The following MYRIP variants were observed in gnomAD, a reference collection of about 807,000 sequenced individuals.
MYRIP encodes the protein myosin VIIA and Rab interacting protein.
In MYRIP, 49 loss-of-function variants were observed where a neutral mutation model predicts 98.0. That is an observed-to-expected ratio of 0.50 (90% confidence interval 0.40 to 0.63). The LOEUF is 0.63. Among genes scored for constraint, MYRIP ranks in the 30% least tolerant of loss-of-function variants. The probability of loss-of-function intolerance (pLI) is 0.00; values close to 1 mark genes in which losing one functional copy is unlikely to be tolerated. For missense variants in MYRIP, 1,004 were observed against 1,058.2 expected (o/e 0.95, Z 0.71); for synonymous variants, 404 against 409.5 (o/e 0.99, Z 0.16).
At chr3:40,211,311 T>C (rs1414036772) in intron 11 of MYRIP, among the ~76,000 whole-genome samples, 1 of 152,228 alleles carries the variant, frequency 6.6e-6, no homozygotes, top group East Asian at 1.9e-4. Context: ...GTAATGCACA[T>C]GCATGAGTGA....
At chr3:40,106,168 G>T (rs939149478) in intron 3 of MYRIP, among the ~76,000 whole-genome samples, 1 of 151,896 alleles carries the variant, frequency 6.6e-6, no homozygotes, top group African/African-American at 2.4e-5. Context: ...ATAATAAAGT[G>T]AATATCCAGG....
At chr3:39,895,193 T>TC (rs1943574877) in intron 1 of MYRIP, among the ~76,000 whole-genome samples, 2 of 151,676 alleles carry the variant, frequency 1.3e-5, no homozygotes, top group African/African-American at 4.9e-5. Flanking sequence ...ATTTTTTTTT[T>TC]CTTTTTTTTT....
intron 12 of MYRIP, among the ~76,000 whole-genome samples, chr3:40,234,871 G>A (rs545575975): frequency 6.6e-6 from 1 of 152,000 alleles, no homozygotes. Flanking sequence ...GCAGGCGCCT[G>A]TAATCCCAGC....
At chr3:39,887,674 C>G (rs1489050101) in intron 1 of MYRIP, among the ~76,000 whole-genome samples, 1 of 152,008 alleles carries the variant, frequency 6.6e-6, no homozygotes, top group Non-Finnish European at 1.5e-5. Context: ...AAAGTTCTGG[C>G]CAGGGCAATC....
intron 3 of MYRIP, among the ~76,000 whole-genome samples, chr3:40,063,495 A>G (rs2125850931): frequency 6.6e-6 from 1 of 152,364 alleles, no homozygotes; most frequent in Non-Finnish European, 1.5e-5. Context: ...ATGCTAAAGT[A>G]CTATCAACTG....
intron 1 of MYRIP, among the ~76,000 whole-genome samples, chr3:39,833,221 T>C (rs755977771): frequency 2.6e-5 from 4 of 152,210 alleles, no homozygotes; most frequent in African/African-American, 7.2e-5. Context: ...GCAGTGGTTG[T>C]ATTTGTTTGA....
At chr3:40,024,827 T>C (rs997606542) in intron 2 of MYRIP, among the ~76,000 whole-genome samples, 12 of 152,292 alleles carry the variant, frequency 7.9e-5, no homozygotes, top group African/African-American at 2.2e-4. Flanking sequence ...TTCCAGATGA[T>C]CCAATGGAGA....
intron 7 of MYRIP, among the ~76,000 whole-genome samples, chr3:40,168,309 T>A (rs941051090): frequency 6.6e-6 from 1 of 152,202 alleles, no homozygotes; most frequent in African/African-American, 2.4e-5. Context: ...GTTGAAAGTA[T>A]CATAAGTCAA....
chr3:39,896,222 A>G (rs1317755409), intron 1 of MYRIP, among the ~76,000 whole-genome samples: 1 of 152,258 alleles, frequency 6.6e-6, no homozygotes, highest in African/African-American at 2.4e-5. Flanking sequence ...ATCAAATATC[A>G]AATTGCCAGG....
At chr3:39,816,078 C>CTTTTTTTTTT (rs11382431) in intron 1 of MYRIP, among the ~76,000 whole-genome samples, 1 of 143,230 alleles carries the variant, frequency 7.0e-6, no homozygotes. Context: ...TTCTTTTTTT[C>CTTTTTTTTTT]TTTTTTTTTT....
At chr3:40,175,862 G>A (rs550864585) in intron 8 of MYRIP, among the ~76,000 whole-genome samples, 2 of 152,300 alleles carry the variant, frequency 1.3e-5, no homozygotes, top group African/African-American at 2.4e-5. Context: ...ACTGACCCTG[G>A]CCAAAGCCAC....
At chr3:40,130,470 C>A (rs903762184) in intron 3 of MYRIP, among the ~76,000 whole-genome samples, 2 of 151,506 alleles carry the variant, frequency 1.3e-5, no homozygotes, top group African/African-American at 4.9e-5. Context: ...CTCCGCCTCC[C>A]GGGTTCACGC....
chr3:40,008,832 CTT>C (rs1946691883), intron 2 of MYRIP, among the ~76,000 whole-genome samples: 1 of 152,208 alleles, frequency 6.6e-6, no homozygotes, highest in African/African-American at 2.4e-5. Context: ...AGATTTGCCT[CTT>C]GTCTTCTCAT....
chr3:39,846,899 G>A (rs1425155573), intron 1 of MYRIP, among the ~76,000 whole-genome samples: 4 of 152,174 alleles, frequency 2.6e-5, no homozygotes, highest in Non-Finnish European at 5.9e-5. Context: ...GGACACCCAG[G>A]AGAGCAAATT....
intron 2 of MYRIP, among the ~76,000 whole-genome samples, chr3:40,004,113 C>T (rs1047820125): frequency 6.6e-6 from 1 of 152,212 alleles, no homozygotes; most frequent in South Asian, 2.1e-4. Flanking sequence ...GCATGTCTGA[C>T]TGAGTTCCTG....
intron 1 of MYRIP, among the ~76,000 whole-genome samples, chr3:39,872,982 T>C (rs374374998): frequency 1.9e-4 from 29 of 152,108 alleles, no homozygotes; most frequent in Non-Finnish European, 3.2e-4. Context: ...TATTTCTCCA[T>C]ATCCTCTCCA....
chr3:39,837,439 G>A lies in MYRIP; in HGVS notation c.-31+27523G>A, dbSNP rs956051334. Reference sequence around the variant, plus strand: ...AGTTTCAGTTTTCTATATATGGCTCGTCAGTTTTCCTAACACCATTTATTA... The same window carrying A: ...AGTTTCAGTTTTCTATATATGGCTCATCAGTTTTCCTAACACCATTTATTA... On this transcript the variant is annotated intron_variant, in intron 1 of 16. Transcript: ENST00000302541. Among the ~76,000 whole-genome samples, 11 of 152,142 alleles carry A rather than the reference G, an allele frequency of 7.2e-5. No homozygotes were observed. In the South Asian group the frequency reaches 8.3e-4, roughly 11 times the overall value.
At chr3:39,917,673 T>C (rs912136096) in intron 2 of MYRIP, among the ~76,000 whole-genome samples, 2 of 151,986 alleles carry the variant, frequency 1.3e-5, no homozygotes, top group South Asian at 4.2e-4. Context: ...ACCTTTATTA[T>C]AGATTAGCTG....
intron 3 of MYRIP, among the ~76,000 whole-genome samples, chr3:40,077,064 G>T (rs777284031): frequency 2.6e-5 from 4 of 152,106 alleles, no homozygotes; most frequent in Non-Finnish European, 4.4e-5. Context: ...TCTTAAGGTG[G>T]CGCGTCTGGA....
Sources: allele counts gnomAD v4.1 joint callset (sites outside exome capture counted in the v4.1 genomes callset), GRCh38; gene constraint gnomAD v4.1.1; transcripts MANE v1.5; gene names NCBI Gene and HGNC (gene_info 2026-07-23, HGNC 2026-07-21).